The following AMBRA1 variants were observed in gnomAD, a reference collection of about 807,000 sequenced individuals.
AMBRA1 encodes the protein activating molecule in BECN1-regulated autophagy protein 1.
AMBRA1 carries 47 observed loss-of-function variants against 125.4 expected under a neutral mutation model. The observed-to-expected ratio is 0.37, with a 90% CI of 0.30 to 0.48. The LOEUF (loss-of-function observed/expected upper bound fraction) is 0.48. Among genes scored for constraint, AMBRA1 ranks in the 20% least tolerant of loss-of-function variants. AMBRA1 has a pLI of 0.99. For synonymous variants in AMBRA1, 626 were observed against 655.5 expected, an observed-to-expected ratio of 0.95 and a Z score of 0.69; for missense variants, 1,331 against 1,693.4, an observed-to-expected ratio of 0.79 and a Z score of 3.76.
intron 2 of AMBRA1, 100 bp from the exon 3 acceptor site, chr11:46,547,975 A>G (rs1008374487): frequency 2.0e-5 from 27 of 1,374,250 alleles, no homozygotes; most frequent in Non-Finnish European, 2.6e-5. Flanking sequence ...TAGCATTCAC[A>G]GTGTAGGCTT....
intron 14 of AMBRA1, among the ~76,000 whole-genome samples, chr11:46,421,547 G>C (rs1250459130): frequency 6.6e-6 from 1 of 152,150 alleles, no homozygotes; most frequent in African/African-American, 2.4e-5. Flanking sequence ...AGGTCATCTG[G>C]TCCAATCATC....
intron 8 of AMBRA1, 84 bp downstream of exon 8, chr11:46,512,643 G>C (rs1951307857): frequency 9.6e-7 from 1 of 1,043,150 alleles, no homozygotes; most frequent in African/African-American, 1.6e-5. Context: ...GACCAGAGAG[G>C]CACAGAACGG....
intron 1 of AMBRA1, among the ~76,000 whole-genome samples, chr11:46,552,055 CA>C (rs542798249): frequency 6.9e-4 from 103 of 148,820 alleles, no homozygotes; most frequent in Non-Finnish European, 1.4e-3. Flanking sequence ...ATTAATTAAT[CA>C]AAAAAATAAA....
chr11:46,510,676 T>C (rs918374643), intron 8 of AMBRA1, among the ~76,000 whole-genome samples: 1 of 152,168 alleles, frequency 6.6e-6, no homozygotes, highest in African/African-American at 2.4e-5. Flanking sequence ...AACTGTAGAT[T>C]AATGGTTTAA....
At chr11:46,544,981 G>C (rs1952931502) in intron 5 of AMBRA1, among the ~76,000 whole-genome samples, 1 of 151,902 alleles carries the variant, frequency 6.6e-6, no homozygotes. Flanking sequence ...TTAAAAATTA[G>C]CTGAGAGAGG....
intron 1 of AMBRA1, among the ~76,000 whole-genome samples, chr11:46,591,991 G>C (rs1408612841): frequency 6.9e-6 from 1 of 144,276 alleles, no homozygotes; most frequent in African/African-American, 2.7e-5. Context: ...TGTTGCCTAG[G>C]CTGGAGTGCA....
At chr11:46,530,854 T>C (rs1428858249) in intron 7 of AMBRA1, among the ~76,000 whole-genome samples, 1 of 152,220 alleles carries the variant, frequency 6.6e-6, no homozygotes, top group East Asian at 1.9e-4. Flanking sequence ...ATAAATAGTT[T>C]TTTTGGAACA....
At chr11:46,543,752 G>A (rs1952865629) in intron 6 of AMBRA1, among the ~76,000 whole-genome samples, 1 of 152,166 alleles carries the variant, frequency 6.6e-6, no homozygotes, top group African/African-American at 2.4e-5. Context: ...TGATGATAAG[G>A]GTTACTTCTA....
At position 46,419,502 on chromosome 11, in the gene AMBRA1, T is replaced by C. The variant is rs1475554437; in HGVS notation, c.2977-1450A>G. On this transcript the variant is annotated intron_variant, in intron 14 of 17. Coordinates refer to ENST00000683756, the MANE Select transcript of AMBRA1 (RefSeq NM_001387011.1). ...GCCTGCCATGGTGCAAGCTCCTAAATAGTAACTGCTATTATTGCAACCAGG... is the reference window on the plus strand; with the variant it reads ...GCCTGCCATGGTGCAAGCTCCTAAACAGTAACTGCTATTATTGCAACCAGG... Among the ~76,000 whole-genome samples the C allele has an allele frequency of 2.0e-5, 3 of 152,214 alleles. No individual in the cohort carries two copies. In the East Asian group the frequency reaches 5.8e-4, roughly 29 times the overall value.
intron 1 of AMBRA1, among the ~76,000 whole-genome samples, chr11:46,579,500 T>C (rs1180837722): frequency 6.6e-6 from 1 of 152,102 alleles, no homozygotes; most frequent in African/African-American, 2.4e-5. Context: ...AAAAAGTAGA[T>C]AAACCCTTAA....
intron 7 of AMBRA1, among the ~76,000 whole-genome samples, chr11:46,528,006 C>A (rs1454900908): frequency 6.6e-6 from 1 of 152,120 alleles, no homozygotes; most frequent in East Asian, 1.9e-4. Flanking sequence ...ATTTGCACAC[C>A]CATGTTCATT....
At chr11:46,516,504 C>T (rs1340229491) in intron 7 of AMBRA1, among the ~76,000 whole-genome samples, 1 of 144,520 alleles carries the variant, frequency 6.9e-6, no homozygotes, top group Non-Finnish European at 1.5e-5. Flanking sequence ...GATCTCGGCT[C>T]ACTGCAAGCT....
chr11:46,586,227 A>G (rs2044395346), intron 1 of AMBRA1, among the ~76,000 whole-genome samples: 1 of 152,104 alleles, frequency 6.6e-6, no homozygotes, highest in African/African-American at 2.4e-5. Flanking sequence ...CCAACATGGC[A>G]AAACTCTGAC....
At chr11:46,455,846 C>T (rs1302449053) in intron 11 of AMBRA1, among the ~76,000 whole-genome samples, 2 of 152,186 alleles carry the variant, frequency 1.3e-5, no homozygotes, top group Admixed American at 6.5e-5. Flanking sequence ...TCCCATGACA[C>T]TGAAACCCAG....
intron 1 of AMBRA1, among the ~76,000 whole-genome samples, chr11:46,582,187 C>G (rs1444524800): frequency 6.6e-6 from 1 of 151,950 alleles, no homozygotes; most frequent in Non-Finnish European, 1.5e-5. Flanking sequence ...ATGCCTCTTT[C>G]CTCCATCCCC....
intron 7 of AMBRA1, among the ~76,000 whole-genome samples, chr11:46,525,553 C>A (rs1415823866): frequency 1.3e-5 from 2 of 152,162 alleles, no homozygotes; most frequent in Non-Finnish European, 2.9e-5. Flanking sequence ...GAGTTCGAGA[C>A]CAGCCTGACC....
chr11:46,433,454 G>C lies in AMBRA1; in HGVS notation c.2976+20C>G. The C allele has an allele frequency of 6.2e-7, 1 of 1,612,176 alleles. No homozygotes were observed. Among genetic ancestry groups the C allele is most frequent in the Non-Finnish European group, 8.5e-7 (1 of 1,178,860 alleles). ...CTAGGGGAGCTGCCATACAGTGAAG[G>C]CACAAGCAATGGCACTCACCCTCAT... On this transcript the variant is annotated intron_variant, in intron 14 of 17. Coordinates refer to ENST00000683756, the MANE Select transcript of AMBRA1 (RefSeq NM_001387011.1).
At chr11:46,556,577 A>G (rs965549336) in intron 1 of AMBRA1, among the ~76,000 whole-genome samples, 2 of 152,192 alleles carry the variant, frequency 1.3e-5, no homozygotes, top group Non-Finnish European at 2.9e-5. Flanking sequence ...TCCAAATTAC[A>G]GTCAATATGT....
intron 11 of AMBRA1, among the ~76,000 whole-genome samples, chr11:46,462,198 AT>A (rs1370524866): frequency 7.9e-5 from 12 of 152,288 alleles, no homozygotes; most frequent in African/African-American, 2.9e-4. Flanking sequence ...CAAGTTAGGG[AT>A]GCGCGTAAAC....
Sources: allele counts gnomAD v4.1 joint callset (sites outside exome capture counted in the v4.1 genomes callset), GRCh38; gene constraint gnomAD v4.1.1; transcripts MANE v1.5; gene names NCBI Gene and HGNC (gene_info 2026-07-23, HGNC 2026-07-21).